The following LY6S variants were observed in gnomAD, a reference collection of about 807,000 sequenced individuals.
LY6S encodes lymphocyte antigen 6 family member S.
At chr8:143,045,357 G>A in the LY6S span, among the ~76,000 whole-genome samples, 2 of 152,118 alleles carry the variant, frequency 1.3e-5, no homozygotes, top group Non-Finnish European at 1.5e-5. This position sits in a 1 kb window ranked among gnomAD's most constrained non-coding sequence, Gnocchi z 5.3. Context: ...TCATTCCAGG[G>A]TGCTAGTGCA....
the LY6S span, chr8:143,066,659 ATGTTTACCC>A: frequency 5.9e-6 from 1 of 168,256 alleles, no homozygotes; most frequent in Admixed American, 6.0e-5. Context: ...TGGAATGGGA[ATGTTTACCC>A]AATGCCTGCA....
the LY6S span, chr8:143,066,497 CCACACATCAGG>C: frequency 3.9e-6 from 1 of 254,522 alleles, no homozygotes; most frequent in South Asian, 5.1e-5. Flanking sequence ...TTGTCCTTGG[CCACACATCAGG>C]CACCATTCGT....
chr8:143,057,430 A>C, the LY6S span: 1 of 494,536 alleles, frequency 2.0e-6, no homozygotes, highest in Non-Finnish European at 3.7e-6. Context: ...TTGTATTTTT[A>C]GTAGAAACAG....
At chr8:143,071,946 C>T in the LY6S span, among the ~76,000 whole-genome samples, 1 of 152,180 alleles carries the variant, frequency 6.6e-6, no homozygotes, top group Non-Finnish European at 1.5e-5. Context: ...GCACCATCCA[C>T]CCCAAAGTCA....
chr8:143,043,143 A>G, the LY6S span: 8 of 1,367,630 alleles, frequency 5.8e-6, no homozygotes, highest in Non-Finnish European at 7.8e-6. Flanking sequence ...CCAGAGGAAG[A>G]CTGACCCCAG....
At chr8:143,043,791 T>G in the LY6S span, among the ~76,000 whole-genome samples, 1 of 152,150 alleles carries the variant, frequency 6.6e-6, no homozygotes, top group African/African-American at 2.4e-5. Context: ...TTCTCCTGCC[T>G]CAGCCTCCCC....
At chr8:143,075,093 A>C in the LY6S span, among the ~76,000 whole-genome samples, 1 of 152,326 alleles carries the variant, frequency 6.6e-6, no homozygotes, top group African/African-American at 2.4e-5. The surrounding 1 kb of genome is among the most constrained non-coding windows in gnomAD (Gnocchi z 4.1). Context: ...GTTATTTGTC[A>C]TTATGACTCA....
chr8:143,066,323 G>A, the LY6S span: 14 of 208,080 alleles, frequency 6.7e-5, 2 homozygotes, highest in South Asian at 7.4e-4. Context: ...CCATCACACC[G>A]GCTATTTTTT....
chr8:143,055,112 C>G, the LY6S span, among the ~76,000 whole-genome samples: 2 of 152,238 alleles, frequency 1.3e-5, no homozygotes, highest in Non-Finnish European at 2.9e-5. Flanking sequence ...AACTTGGAAG[C>G]AATGGCTGTT....
the LY6S span, among the ~76,000 whole-genome samples, chr8:143,061,501 TTTGGTTGGTTGGTTGG>T: frequency 6.7e-6 from 1 of 148,878 alleles, no homozygotes; most frequent in East Asian, 2.0e-4. Flanking sequence ...GGTTTGTTTG[TTTGGTTGGTTGGTTGG>T]TTGGTTGGTT....
the LY6S span, chr8:143,049,121 G>A: frequency 1.9e-6 from 1 of 532,398 alleles, no homozygotes; most frequent in Non-Finnish European, 3.9e-6. Context: ...GGGGGTTCAA[G>A]GGGATGTCCC....
At chr8:143,071,283 G>A in the LY6S span, among the ~76,000 whole-genome samples, 12 of 152,288 alleles carry the variant, frequency 7.9e-5, no homozygotes, top group African/African-American at 2.9e-4. Flanking sequence ...GGTCTCAAAC[G>A]TTCTCCTGGC....
At chr8:143,044,694 G>A in the LY6S span, 34 of 1,367,408 alleles carry the variant, frequency 2.5e-5, no homozygotes, top group African/African-American at 8.8e-5. Context: ...TGCCAAAGAC[G>A]CTCACTTTCT....
the LY6S span, chr8:143,043,384 C>A: frequency 1.0e-4 from 54 of 539,722 alleles, no homozygotes; most frequent in African/African-American, 8.2e-4. Context: ...TGCCCCGGGG[C>A]CTCAGGGGCT....
At chr8:143,070,475 AAATATATATATATAT>A in the LY6S span, among the ~76,000 whole-genome samples, 7 of 44,538 alleles carry the variant, frequency 1.6e-4, 1 homozygote, top group Non-Finnish European at 2.0e-4. Flanking sequence ...ATATATATAT[AAATATATATATATAT>A]TTTTTTTTTT....
the LY6S span, among the ~76,000 whole-genome samples, chr8:143,048,796 G>A: frequency 4.6e-5 from 7 of 152,142 alleles, no homozygotes; most frequent in Non-Finnish European, 7.4e-5. Flanking sequence ...GACACATTAA[G>A]AGTGCGCTGT....
chr8:143,070,476 A>ATATATATATAAT, the LY6S span, among the ~76,000 whole-genome samples: 4 of 76,914 alleles, frequency 5.2e-5, no homozygotes, highest in Admixed American at 3.7e-4. Context: ...TATATATATA[A>ATATATATATAAT]ATATATATAT....
chr8:143,063,476 T>A, the LY6S span, among the ~76,000 whole-genome samples: 1 of 152,360 alleles, frequency 6.6e-6, no homozygotes, highest in South Asian at 2.1e-4. Context: ...TTCTGCCTCC[T>A]GTGCAGAGGT....
At chr8:143,046,026 G>A in the LY6S span, among the ~76,000 whole-genome samples, 1 of 151,974 alleles carries the variant, frequency 6.6e-6, no homozygotes, top group Non-Finnish European at 1.5e-5. Context: ...GTTAATTTTT[G>A]TATATTAGTA....
Sources: allele counts gnomAD v4.1 joint callset (sites outside exome capture counted in the v4.1 genomes callset), GRCh38; gene constraint gnomAD v4.1.1; non-coding constraint Gnocchi (gnomAD v3.1); transcripts MANE v1.5; gene names NCBI Gene and HGNC (gene_info 2026-07-23, HGNC 2026-07-21).